ZNF222: variants seen among roughly 807,000 people sequenced by gnomAD.
ZNF222 encodes the protein zinc finger protein 222.
Under a neutral mutation model 11.6 loss-of-function variants are expected in ZNF222, and 8 were observed. The observed-to-expected ratio is 0.69, with a 90% CI of 0.41 to 1.25. The LOEUF (loss-of-function observed/expected upper bound fraction) is 1.25. ZNF222 is among the 50% of genes most tolerant of loss of function. The pLI, the probability that ZNF222 is intolerant of heterozygous loss-of-function variation, is 0.01. For missense variants in ZNF222, 483 were observed against 576.1 expected, an observed-to-expected ratio of 0.84 and a Z score of 1.65; for synonymous variants, 171 against 195.6, an observed-to-expected ratio of 0.87 and a Z score of 1.05.
At chr19:44,028,249 G>A in intron 3 of ZNF222, 1 of 398,818 alleles carries the variant, frequency 2.5e-6, no homozygotes, top group East Asian at 3.6e-5. Context: ...GATTCAGGAT[G>A]ACCCTCCCAC....
rs573537034 is a variant in ZNF222 at position 44,032,975 on chromosome 19, A to G, written c.1421A>G (p.Tyr474Cys). 1.0e-5 allele frequency: 16 copies of G among 1,575,834 alleles called. No individual in the cohort carries two copies. Among genetic ancestry groups the G allele is most frequent in the South Asian group, 4.8e-5 (4 of 84,032 alleles). ...PSKCEDCGKRYKRRLNLDIIL... is the reference protein window; with the variant it reads ...PSKCEDCGKRCKRRLNLDIIL... ...AAATGTGAGGACTGTGGGAAGCGCT[A>G]CAAGAGGCGCTTGAATCTGGATATA... is the stretch of plus-strand genomic sequence containing the variant. Residue 474 changes from tyrosine (Y) to cysteine (C), a missense_variant, in exon 4 of 4, where the codon TAC becomes TGC. Transcript: ENST00000391960.
At chr19:44,026,227 A>C in intron 1 of ZNF222, 3 of 807,930 alleles carry the variant, frequency 3.7e-6, no homozygotes, top group East Asian at 2.6e-5. Context: ...ATACCCCAAA[A>C]TACATGATCT....
rs1976347623 is a variant in ZNF222, at chr19:44,025,831, C to A, written c.42+353C>A. Among the ~76,000 whole-genome samples the A allele has an allele frequency of 6.6e-6, 1 of 152,140 alleles. No individual in the cohort carries two copies. The highest frequency in any genetic ancestry group is 2.1e-4 in the South Asian group (1 of 4,832). On this transcript the variant is annotated intron_variant, in intron 1 of 3. Transcript: ENST00000391960. The surrounding 1 kb of genome is among the most constrained non-coding windows in gnomAD (Gnocchi z 4.6). ...GTCTGGTGGTCTCTTGTTAATTTCC[C>A]ACGAAGCCTGTCAGGTCCTCTGGTG...
intron 3 of ZNF222, among the ~76,000 whole-genome samples, chr19:44,029,624 T>C (rs375531472): frequency 4.7e-4 from 71 of 152,308 alleles, no homozygotes; most frequent in African/African-American, 1.6e-3. Flanking sequence ...GCTCTCAAAA[T>C]AGAAACCTCC....
At chr19:44,029,713 C>G (rs1041288571) in intron 3 of ZNF222, among the ~76,000 whole-genome samples, 3 of 152,192 alleles carry the variant, frequency 2.0e-5, no homozygotes, top group African/African-American at 7.2e-5. Flanking sequence ...CTACTGTGTA[C>G]TGAAAGGTAC....
In ZNF222 at chr19:44,031,865, A is replaced by G; in HGVS notation, c.311A>G (p.His104Arg). Reference sequence around the variant, plus strand: ...GAGACTGTTCCAGAAGCAGGAACACATGAAGAATTTTCCTGCAAGCAAATT... The same window carrying G: ...GAGACTGTTCCAGAAGCAGGAACACGTGAAGAATTTTCCTGCAAGCAAATT... ...EMETVPEAGTHEEFSCKQIWE... is the reference protein window; with the variant it reads ...EMETVPEAGTREEFSCKQIWE... The change falls in exon 4 of 4, where the codon CAT (histidine) becomes CGT (arginine). Residue 104 changes from histidine to arginine, a missense_variant. Coordinates refer to ENST00000391960, the MANE Select transcript of ZNF222 (RefSeq NM_001129996.2). 1 of 1,614,204 alleles carries G rather than the reference A, an allele frequency of 6.2e-7. No individual in the cohort carries two copies. The highest frequency in any genetic ancestry group is 8.5e-7 in the Non-Finnish European group (1 of 1,180,014).
Position 44,025,766 on chromosome 19 carries a change from A to G in ZNF222, c.42+288A>G, listed in dbSNP as rs1284891030. 8.5e-5 allele frequency among the ~76,000 whole-genome samples: 13 copies of G among 152,186 alleles called. No individual in the cohort carries two copies. The highest frequency in any genetic ancestry group is 2.1e-4 in the South Asian group (1 of 4,826). On this transcript the variant is annotated intron_variant, in intron 1 of 3. Coordinates refer to ENST00000391960, the MANE Select transcript of ZNF222 (RefSeq NM_001129996.2). The surrounding 1 kb of genome is among the most constrained non-coding windows in gnomAD (Gnocchi z 4.6). Reference sequence around the variant, plus strand: ...TTCATTTTGGGACCTGAAAGAGGTAACACAAATGAGAGCCTTAAAAGCAGT... The same window carrying G: ...TTCATTTTGGGACCTGAAAGAGGTAGCACAAATGAGAGCCTTAAAAGCAGT...
intron 3 of ZNF222, among the ~76,000 whole-genome samples, chr19:44,030,117 G>T (rs760788007): frequency 6.6e-6 from 1 of 152,024 alleles, no homozygotes; most frequent in Admixed American, 6.5e-5. Flanking sequence ...TTCATTCCAC[G>T]TGTTTCTGAA....
In ZNF222 at chr19:44,027,344, A is replaced by T. The variant is rs552594759; in HGVS notation, c.170-54A>T. On this transcript the variant is annotated intron_variant, in intron 2 of 3. Transcript: ENST00000391960. ...ACACTGCAATTACGTTTGCACCAAC[A>T]TGATATTACCTTGAACATGTTGGGA... 1.3e-5 allele frequency: 20 copies of T among 1,578,760 alleles called. No individual in the cohort carries two copies. In the African/African-American group the frequency reaches 2.3e-4, roughly 18 times the overall value.
At chr19:44,029,577 C>T (rs780957745) in intron 3 of ZNF222, among the ~76,000 whole-genome samples, 14 of 152,116 alleles carry the variant, frequency 9.2e-5, no homozygotes, top group Non-Finnish European at 1.8e-4. Flanking sequence ...GTATTTTCAT[C>T]TGGTGAACTT....
intron 3 of ZNF222, among the ~76,000 whole-genome samples, chr19:44,029,560 T>C (rs1976456860): frequency 6.6e-6 from 1 of 152,216 alleles, no homozygotes; most frequent in Non-Finnish European, 1.5e-5. Context: ...TATAGAGATA[T>C]AGTGTTGTAT....
chr19:44,033,058 T>A lies in ZNF222; in HGVS notation c.*28T>A, dbSNP rs1262231181. 1 of 1,462,906 alleles carries A rather than the reference T, an allele frequency of 6.8e-7. No individual in the cohort carries two copies. The highest frequency in any genetic ancestry group is 1.4e-5 in the African/African-American group (1 of 69,612). The allele number at this position is 1,462,906 out of a possible 1,614,324, so 90.6% of individuals were successfully genotyped here. Reference sequence around the variant, plus strand: ...TATACATATTTATGGAGTGTGAAATTTGATACATGTATATAATGTGTGCTG... The same window carrying A: ...TATACATATTTATGGAGTGTGAAATATGATACATGTATATAATGTGTGCTG... On this transcript the variant is annotated 3_prime_UTR_variant, in exon 4 of 4. Transcript: ENST00000391960.
intron 3 of ZNF222, chr19:44,028,517 G>T: frequency 2.9e-6 from 1 of 344,998 alleles, no homozygotes; most frequent in Non-Finnish European, 5.2e-6. Flanking sequence ...TCATGGGAGA[G>T]GTCGTCTCCA....
chr19:44,031,663 A>T (rs1012432409), intron 3 of ZNF222, among the ~76,000 whole-genome samples, 154 bp from the exon 4 acceptor site: 1 of 151,972 alleles, frequency 6.6e-6, no homozygotes, highest in Non-Finnish European at 1.5e-5. Flanking sequence ...TTGTGTTTTT[A>T]GTAGAGACAG....
In ZNF222 at chr19:44,031,855, G is replaced by A; in HGVS notation, c.301G>A (p.Ala101Thr). 6.2e-7 allele frequency: 1 copy of A among 1,614,094 alleles called. No individual in the cohort carries two copies. Among genetic ancestry groups the A allele is most frequent in the East Asian group, 2.2e-5 (1 of 44,872 alleles). The change falls in exon 4 of 4, where the codon GCA becomes ACA. Residue 101 changes from alanine to threonine, a missense_variant. By Grantham distance (58) the Ala-to-Thr change is moderately conservative. Transcript: ENST00000391960. ...AACTGAGATGGAGACTGTTCCAGAA[G>A]CAGGAACACATGAAGAATTTTCCTG... ...IQTEMETVPE[A>T]GTHEEFSCKQ...
intron 3 of ZNF222, among the ~76,000 whole-genome samples, chr19:44,029,186 G>GTTTTTTTTTTTTTT (rs1364529196): frequency 1.0e-5 from 1 of 97,852 alleles, no homozygotes; most frequent in African/African-American, 4.3e-5. Context: ...GGTTTGTTTT[G>GTTTTTTTTTTTTTT]TTTTGTTTTT....
At chr19:44,026,700 A>T (rs1358414786) in intron 1 of ZNF222, among the ~76,000 whole-genome samples, 2 of 152,054 alleles carry the variant, frequency 1.3e-5, no homozygotes, top group Non-Finnish European at 2.9e-5. Flanking sequence ...CGACTCAAAC[A>T]GAGCATTTGG....
chr19:44,033,092 A>T lies in ZNF222; in HGVS notation c.*62A>T. On this transcript the variant is annotated 3_prime_UTR_variant, in exon 4 of 4. Transcript: ENST00000391960. ...GTATATAATGTGTGCTGATTAAATC[A>T]GTTTAATTTCACCTGAAACATTATT... 7.4e-7 allele frequency: 1 copy of T among 1,354,812 alleles called. No homozygotes were observed. The highest frequency in any genetic ancestry group is 9.6e-7 in the Non-Finnish European group (1 of 1,036,996). 83.9% of individuals were successfully genotyped at this position (1,354,812 alleles called of 1,614,324 possible).
rs765771937 is a variant in ZNF222, at chr19:44,032,348, G to A, written c.794G>A (p.Arg265Lys). ...ALKVHCKLHM[R>K]EKPYNCEKCG... Reference sequence around the variant, plus strand: ...AAAGTTCATTGCAAATTACACATGAGAGAGAAACCTTATAATTGTGAGAAA... The same window carrying A: ...AAAGTTCATTGCAAATTACACATGAAAGAGAAACCTTATAATTGTGAGAAA... The change falls in exon 4 of 4, where the codon AGA becomes AAA. Residue 265 changes from arginine (R) to lysine (K), a missense_variant. Physicochemically the swap from Arg to Lys is conservative, Grantham distance 26. Transcript: ENST00000391960. The A allele has an allele frequency of 6.2e-7, 1 of 1,614,182 alleles. No homozygotes were observed. The highest frequency in any genetic ancestry group is 8.5e-7 in the Non-Finnish European group (1 of 1,180,032).
Sources: gnomAD v4.1 joint callset for allele counts (sites outside exome capture counted in the v4.1 genomes callset) on GRCh38, gnomAD v4.1.1 for gene constraint, Gnocchi (gnomAD v3.1) non-coding constraint, MANE v1.5 for transcripts, NCBI Gene and HGNC (gene_info 2026-07-23, HGNC 2026-07-21) for gene names.